Variants in RUNX2 observed in about 807,000 individuals in gnomAD.
RUNX2 encodes RUNX family transcription factor 2, also known as runt-related transcription factor 2.
RUNX2 carries 10 observed loss-of-function variants against 51.7 expected under a neutral mutation model. That is an observed-to-expected ratio of 0.19 (90% CI 0.12 to 0.33). The LOEUF is 0.33. Ranked by LOEUF, RUNX2 falls within the 10% of genes least tolerant of loss-of-function variation. RUNX2 has a pLI of 1.00. For synonymous variants in RUNX2, 276 were observed against 273.6 expected (o/e 1.01, Z -0.09); for missense variants, 562 against 691.3 (o/e 0.81, Z 2.10).
At chr6:45,401,053 A>T (rs898106192) in intron 2 of RUNX2, among the ~76,000 whole-genome samples, 1 of 152,162 alleles carries the variant, frequency 6.6e-6, no homozygotes, top group Admixed American at 6.5e-5. Flanking sequence ...TTTATTGGAA[A>T]TTTTTCGTAA....
intron 6 of RUNX2, among the ~76,000 whole-genome samples, chr6:45,502,019 G>A (rs372301219): frequency 6.6e-6 from 1 of 152,236 alleles, no homozygotes; most frequent in Admixed American, 6.5e-5. Context: ...CTGTCATGTG[G>A]AGTAGTAATC....
intron 5 of RUNX2, among the ~76,000 whole-genome samples, chr6:45,484,186 G>A (rs1800200625): frequency 6.6e-6 from 1 of 152,172 alleles, no homozygotes; most frequent in East Asian, 1.9e-4. Flanking sequence ...ACAGGCCAGA[G>A]GTTAGGAGGG....
intron 7 of RUNX2, among the ~76,000 whole-genome samples, chr6:45,533,694 C>T (rs543742311): frequency 2.0e-4 from 30 of 152,160 alleles, no homozygotes; most frequent in Admixed American, 1.8e-3. Flanking sequence ...AGGCTAAATC[C>T]TAACAACAAA....
intron 6 of RUNX2, 48 bp downstream of exon 6, chr6:45,492,162 G>T (rs1030094200): frequency 6.3e-7 from 1 of 1,589,344 alleles, no homozygotes; most frequent in Non-Finnish European, 8.6e-7. Flanking sequence ...GGCAGGCTGG[G>T]GGTGAGGGGC....
intron 2 of RUNX2, among the ~76,000 whole-genome samples, chr6:45,381,692 G>A (rs780850983): frequency 6.6e-6 from 1 of 152,098 alleles, no homozygotes; most frequent in Non-Finnish European, 1.5e-5. Context: ...GCCTCCCAAA[G>A]TGCTGGGATT....
intron 5 of RUNX2, among the ~76,000 whole-genome samples, chr6:45,479,747 G>A (rs1164067203): frequency 2.0e-5 from 3 of 152,124 alleles, no homozygotes; most frequent in Non-Finnish European, 4.4e-5. Context: ...ACAAAAAAAG[G>A]TTTTAAATGT....
intron 5 of RUNX2, among the ~76,000 whole-genome samples, chr6:45,457,513 ACT>A (rs111738988): frequency 0.053 from 8,007 of 152,146 alleles, 535 homozygotes; most frequent in East Asian, 0.16. Flanking sequence ...AGATTTGAAG[ACT>A]CTAAAAATCC....
intron 5 of RUNX2, among the ~76,000 whole-genome samples, chr6:45,485,645 GCGTA>G (rs1219548907): frequency 8.5e-4 from 125 of 147,530 alleles, no homozygotes; most frequent in Non-Finnish European, 1.6e-3. Context: ...ATATAGATAA[GCGTA>G]TATATATGTG....
intron 4 of RUNX2, among the ~76,000 whole-genome samples, chr6:45,437,384 C>T (rs185769680): frequency 1.3e-5 from 2 of 152,202 alleles, no homozygotes; most frequent in African/African-American, 4.8e-5. Flanking sequence ...ATCATCATAC[C>T]ACAGGCACAT....
Position 45,547,407 on chromosome 6 carries a change from A to G in RUNX2, c.*102A>G, listed in dbSNP as rs1802435539. On this transcript the variant is annotated 3_prime_UTR_variant, in exon 9 of 9. Coordinates refer to ENST00000647337, the MANE Select transcript of RUNX2 (RefSeq NM_001024630.4). The stretch of plus-strand genomic sequence containing the variant: ...GCATATATATGTATATCGATTAGCT[A>G]TCTACAAAGTGCCTATTTTTTAGAA... 3 of 992,038 alleles carry G rather than the reference A, an allele frequency of 3.0e-6. No individual in the cohort carries two copies. Among genetic ancestry groups the G allele is most frequent in the East Asian group, 4.8e-5 (2 of 41,846 alleles). 61.5% of individuals were successfully genotyped at this position (992,038 alleles called of 1,614,324 possible). A position where few individuals can be genotyped will look rare whatever the true frequency, so the allele number is the denominator to read the frequency against.
In RUNX2 at chr6:45,459,333, G is replaced by A. The variant is rs1799407562; in HGVS notation, c.685+21282G>A. 2.0e-5 allele frequency among the ~76,000 whole-genome samples: 3 copies of A among 152,176 alleles called. No individual in the cohort carries two copies. In the South Asian group the frequency reaches 6.2e-4, roughly 31 times the overall value. ...AAAAATAACTGAATATACTTGAATT[G>A]CTGAATATACTTGAAATTCTGATCC... On this transcript the variant is annotated intron_variant, in intron 5 of 8. Transcript: ENST00000647337.
intron 5 of RUNX2, among the ~76,000 whole-genome samples, chr6:45,459,345 T>C (rs1325702231): frequency 2.0e-5 from 3 of 152,224 alleles, no homozygotes; most frequent in African/African-American, 7.2e-5. Flanking sequence ...TGAATATACT[T>C]GAAATTCTGA....
intron 2 of RUNX2, among the ~76,000 whole-genome samples, chr6:45,375,359 A>T (rs567617530): frequency 4.6e-5 from 7 of 152,320 alleles, no homozygotes; most frequent in African/African-American, 1.7e-4. Flanking sequence ...TAAATAAAAT[A>T]ATTGTGCTGG....
At chr6:45,351,561 T>A (rs982344558) in intron 2 of RUNX2, among the ~76,000 whole-genome samples, 9 of 152,140 alleles carry the variant, frequency 5.9e-5, no homozygotes, top group African/African-American at 1.9e-4. Flanking sequence ...ATTTCCAAGG[T>A]GATACTTGTA....
rs1794214106 is a variant in RUNX2, at chr6:45,361,299, G to T, written c.58+32515G>T. 2.0e-5 allele frequency among the ~76,000 whole-genome samples: 3 copies of T among 151,942 alleles called. No individual in the cohort carries two copies. The South Asian group carries it at 6.2e-4, about 32-fold the overall frequency. ...TAAACAAGATTTTTTCAATGTTATTGCTATTTATCCCCAAAACTCCCAATT... is the reference window on the plus strand; with the variant it reads ...TAAACAAGATTTTTTCAATGTTATTTCTATTTATCCCCAAAACTCCCAATT... On this transcript the variant is annotated intron_variant, in intron 2 of 8. Coordinates refer to ENST00000647337, the MANE Select transcript of RUNX2 (RefSeq NM_001024630.4).
At chr6:45,519,167 T>A (rs562794970) in intron 7 of RUNX2, among the ~76,000 whole-genome samples, 12 of 152,354 alleles carry the variant, frequency 7.9e-5, no homozygotes, top group African/African-American at 2.9e-4. Flanking sequence ...GGTCGCATAA[T>A]TATCTTCTAA....
chr6:45,512,428 A>G lies in RUNX2; in HGVS notation c.1021+21A>G, dbSNP rs199988153. On this transcript the variant is annotated intron_variant, in intron 7 of 8. Coordinates refer to ENST00000647337, the MANE Select transcript of RUNX2 (RefSeq NM_001024630.4). ...TTCAGGTAAAGACCGTGCTTTAACT[A>G]AAAATCCATCCCTGCACAGGGGTCG... The G allele has an allele frequency of 4.8e-4, 774 of 1,613,298 alleles. 3 individuals are homozygous for G. Among genetic ancestry groups the G allele is most frequent in the South Asian group, 4.5e-3 (409 of 91,082 alleles).
chr6:45,349,636 A>AT (rs1791618247), intron 2 of RUNX2, among the ~76,000 whole-genome samples: 3 of 152,146 alleles, frequency 2.0e-5, no homozygotes, highest in Admixed American at 1.3e-4. Flanking sequence ...TGGAAGATTC[A>AT]TTTTTTTAAG....
intron 5 of RUNX2, among the ~76,000 whole-genome samples, chr6:45,444,222 T>C (rs754584191): frequency 6.6e-6 from 1 of 152,222 alleles, no homozygotes; most frequent in Non-Finnish European, 1.5e-5. Flanking sequence ...GCAAACCTAC[T>C]GCCTGACACA....
Sources: allele counts gnomAD v4.1 joint callset (sites outside exome capture counted in the v4.1 genomes callset), GRCh38; gene constraint gnomAD v4.1.1; transcripts MANE v1.5; gene names NCBI Gene and HGNC (gene_info 2026-07-23, HGNC 2026-07-21).